MCM5: variants seen among roughly 807,000 people sequenced by gnomAD.
MCM5 encodes DNA replication licensing factor MCM5.
A neutral mutation model predicts 79.9 loss-of-function variants in MCM5; 46 were observed. The ratio of observed to expected loss-of-function variants is 0.58; its 90% CI spans 0.45 to 0.74. MCM5 has a LOEUF of 0.74. MCM5 is among the 30% of genes least tolerant of loss of function. MCM5 has a pLI of 0.00. For synonymous variants in MCM5, 404 were observed against 390.5 expected, an observed-to-expected ratio of 1.03 and a Z score of -0.41; for missense variants, 883 against 1,017.0, an observed-to-expected ratio of 0.87 and a Z score of 1.79.
intron 6 of MCM5, among the ~76,000 whole-genome samples, chr22:35,409,268 C>T (rs970924778): frequency 3.5e-4 from 54 of 152,334 alleles, no homozygotes; most frequent in African/African-American, 1.3e-3. Context: ...CAGCGTACCC[C>T]AGGCTTTCTG....
chr22:35,438,305 A>G, the MCM5 span, among the ~76,000 whole-genome samples: 9 of 73,604 alleles, frequency 1.2e-4, no homozygotes, highest in East Asian at 2.9e-4. Context: ...CCACTCACCT[A>G]TTCATCCGTT....
the MCM5 span, among the ~76,000 whole-genome samples, chr22:35,454,451 G>A: frequency 6.6e-6 from 1 of 151,734 alleles, no homozygotes; most frequent in East Asian, 1.9e-4. Context: ...GAGCTTTCCA[G>A]GGGCTCTGAT....
chr22:35,453,819 T>TATATATATATATATATAGAGAG, the MCM5 span, among the ~76,000 whole-genome samples: 1 of 81,532 alleles, frequency 1.2e-5, no homozygotes, highest in Admixed American at 1.3e-4. Context: ...TATATATATA[T>TATATATATATATATATAGAGAG]AGAGAGAGAG....
At chr22:35,418,145 A>G (rs764141199) in intron 13 of MCM5, among the ~76,000 whole-genome samples, 38 of 152,238 alleles carry the variant, frequency 2.5e-4, no homozygotes, top group Middle Eastern at 3.4e-3. Flanking sequence ...CATGGTAGAC[A>G]TGGGCTCTGG....
the MCM5 span, among the ~76,000 whole-genome samples, chr22:35,435,202 G>C: frequency 6.6e-6 from 1 of 152,188 alleles, no homozygotes; most frequent in Non-Finnish European, 1.5e-5. Context: ...AGAGAGATGG[G>C]AGTTTGAATA....
chr22:35,452,011 CT>C, the MCM5 span, among the ~76,000 whole-genome samples: 1 of 152,206 alleles, frequency 6.6e-6, no homozygotes, highest in Non-Finnish European at 1.5e-5. Context: ...GGGCCCCCAC[CT>C]GCCCTGTGCT....
the MCM5 span, among the ~76,000 whole-genome samples, chr22:35,448,669 G>A: frequency 6.6e-6 from 1 of 152,196 alleles, no homozygotes; most frequent in Admixed American, 6.5e-5. Context: ...AACTGAGGGA[G>A]GTGTTAAGTG....
the MCM5 span, among the ~76,000 whole-genome samples, chr22:35,449,778 A>G: frequency 6.6e-6 from 1 of 151,910 alleles, no homozygotes; most frequent in African/African-American, 2.4e-5. Flanking sequence ...TAAGATTTAT[A>G]TTTTTATTCT....
downstream of MCM5, among the ~76,000 whole-genome samples, chr22:35,427,467 C>T (rs1354940072): frequency 6.6e-6 from 1 of 150,850 alleles, no homozygotes; most frequent in African/African-American, 2.4e-5. Flanking sequence ...TGTATTTAAA[C>T]ATGAATACGT....
At chr22:35,407,818 C>CT (rs1932261308) in intron 5 of MCM5, among the ~76,000 whole-genome samples, 1 of 152,200 alleles carries the variant, frequency 6.6e-6, no homozygotes, top group Non-Finnish European at 1.5e-5. Flanking sequence ...GCTTGTATGT[C>CT]TTTTCAGCCT....
chr22:35,443,996 G>T, the MCM5 span, among the ~76,000 whole-genome samples: 1 of 152,184 alleles, frequency 6.6e-6, no homozygotes, highest in African/African-American at 2.4e-5. Flanking sequence ...AATGGGAGCA[G>T]GGATAGTTCC....
Position 35,416,755 on chromosome 22 carries a change from T to C in MCM5, c.1531T>C (p.Leu511=). The change falls in exon 12 of 17, where the codon TTG becomes CTG. Residue 511 remains leucine (L), a synonymous_variant. Coordinates refer to ENST00000216122, the MANE Select transcript of MCM5 (RefSeq NM_006739.4). ...CAACATTGACTTCATGCCCACCATCTTGTCGCGCTTCGACATGATCTTCAT... is the reference window on the plus strand; with the variant it reads ...CAACATTGACTTCATGCCCACCATCCTGTCGCGCTTCGACATGATCTTCAT... ...EDNIDFMPTI[L]SRFDMIFIVK... is the part of the protein sequence containing the mutation. 1.2e-6 allele frequency: 2 copies of C among 1,614,134 alleles called. No homozygotes were observed. Among genetic ancestry groups the C allele is most frequent in the South Asian group, 2.2e-5 (2 of 91,076 alleles).
intron 8 of MCM5, 120 bp from the exon 9 acceptor site, chr22:35,413,755 C>A (rs1287704523): frequency 1.5e-6 from 1 of 673,096 alleles, no homozygotes; most frequent in South Asian, 1.7e-5. Flanking sequence ...ACCTTCTTAC[C>A]AACTCTGAGG....
the MCM5 span, among the ~76,000 whole-genome samples, chr22:35,433,716 A>G: frequency 6.6e-6 from 1 of 152,072 alleles, no homozygotes; most frequent in Non-Finnish European, 1.5e-5. Context: ...CTACTTTTCC[A>G]TCTGCAGGAC....
At chr22:35,413,526 C>T (rs1164834462) in intron 8 of MCM5, among the ~76,000 whole-genome samples, 3 of 152,156 alleles carry the variant, frequency 2.0e-5, no homozygotes, top group Non-Finnish European at 4.4e-5. Context: ...CTTGTTCTGC[C>T]GCACCGTGCA....
intron 2 of MCM5, among the ~76,000 whole-genome samples, chr22:35,402,570 T>C (rs974708164): frequency 2.0e-5 from 3 of 151,972 alleles, no homozygotes; most frequent in Non-Finnish European, 1.5e-5. Context: ...GTTTTTTTTT[T>C]TGAGACAGAG....
At position 35,412,771 on chromosome 22, in the gene MCM5, CTT is replaced by C. The variant is rs202039095; in HGVS notation, c.1091+95_1091+96del. On this transcript the variant is annotated intron_variant, in intron 8 of 16. Coordinates refer to ENST00000216122, the MANE Select transcript of MCM5 (RefSeq NM_006739.4). ...TACTGGATAATCAGGACTGGGCACT[CTT>C]TTTTGTATTTCCTGGGCCCCTCAGT... is the stretch of plus-strand genomic sequence containing the variant. 168 of 1,144,750 alleles carry C rather than the reference CTT, an allele frequency of 1.5e-4. No individual in the cohort carries two copies. The African/African-American group carries it at 2.0e-3, about 13-fold the overall frequency. The allele number at this position is 1,144,750 out of a possible 1,614,324, so 70.9% of individuals were successfully genotyped here.
At chr22:35,426,143 A>G (rs1932778155), downstream of MCM5, among the ~76,000 whole-genome samples, 1 of 152,102 alleles carries the variant, frequency 6.6e-6, no homozygotes, top group African/African-American at 2.4e-5. Flanking sequence ...TGAGAGGCCA[A>G]AGGGGGTCCG....
Position 35,413,878 on chromosome 22 carries a change from C to G in MCM5, c.1095C>G (p.Leu365=). The G allele has an allele frequency of 6.3e-7, 1 of 1,598,068 alleles. No individual in the cohort carries two copies. Residue 365 remains leucine (L), a synonymous_variant, in exon 9 of 17, where the codon CTC becomes CTG. Transcript: ENST00000216122. ...CCATCTACCCTTCGTCCCCCAGGCTCCCTGATGGACTTACTCGCCGAGGAG... is the reference window on the plus strand; with the variant it reads ...CCATCTACCCTTCGTCCCCCAGGCTGCCTGATGGACTTACTCGCCGAGGAG... ...CLLFGGSRKR[L]PDGLTRRGDI...
Sources: allele counts gnomAD v4.1 joint callset (sites outside exome capture counted in the v4.1 genomes callset), GRCh38; gene constraint gnomAD v4.1.1; transcripts MANE v1.5; gene names NCBI Gene and HGNC (gene_info 2026-07-23, HGNC 2026-07-21).